Variants in SYNE2 observed in about 807,000 individuals in gnomAD.
SYNE2 encodes the protein nesprin-2.
In SYNE2, 431 loss-of-function variants were observed where a neutral mutation model predicts 856.3. The observed-to-expected ratio is 0.50, with a 90% CI of 0.47 to 0.55. The LOEUF (loss-of-function observed/expected upper bound fraction) is 0.55, where lower values mean the gene tolerates loss of function less well. Among genes scored for constraint, SYNE2 ranks in the 20% least tolerant of loss-of-function variants. The probability of loss-of-function intolerance (pLI) is 0.00; values close to 1 mark genes in which losing one functional copy is unlikely to be tolerated. For synonymous variants in SYNE2, 2,923 were observed against 2,872.3 expected, an observed-to-expected ratio of 1.02 and a Z score of -0.56; for missense variants, 8,129 against 8,023.2, an observed-to-expected ratio of 1.01 and a Z score of -0.50.
At chr14:64,000,843 G>C in intron 28 of SYNE2, 124 bp downstream of exon 28, 1 of 853,132 alleles carries the variant, frequency 1.2e-6, no homozygotes, top group East Asian at 2.6e-5. Flanking sequence ...ACAACAGTAA[G>C]AGAGGCTACC....
In SYNE2 at chr14:64,130,600, C is replaced by T. The variant is rs115553783; in HGVS notation, c.14340+352C>T. On this transcript the variant is annotated intron_variant, in intron 76 of 115. Coordinates refer to ENST00000555002, the MANE Select transcript of SYNE2 (RefSeq NM_182914.3). The stretch of plus-strand genomic sequence containing the variant: ...ACTTAGGAAAGTTAGAAAAGGCTTT[C>T]CTGGCCATGCGCAGTGGCTTATGCT... Among the ~76,000 whole-genome samples the T allele has an allele frequency of 4.7e-3, 721 of 152,304 alleles. 4 individuals are homozygous for T. The highest frequency in any genetic ancestry group is 0.016 in the African/African-American group (668 of 41,584).
At chr14:63,939,594 G>A (rs561612421) in intron 2 of SYNE2, among the ~76,000 whole-genome samples, 2 of 151,894 alleles carry the variant, frequency 1.3e-5, no homozygotes, top group East Asian at 3.9e-4. Flanking sequence ...GTGATCCACC[G>A]GCCTCAGCCT....
At chr14:64,202,780 T>G in intron 99 of SYNE2, 21 bp from the exon 100 acceptor site, 1 of 1,614,038 alleles carries the variant, frequency 6.2e-7, no homozygotes, top group Non-Finnish European at 8.5e-7. Context: ...TTTCGTTTTG[T>G]TTTTCTGCAA....
intron 1 of SYNE2, among the ~76,000 whole-genome samples, chr14:63,900,292 G>T (rs1320641797): frequency 6.6e-6 from 1 of 152,122 alleles, no homozygotes; most frequent in Non-Finnish European, 1.5e-5. Flanking sequence ...TTGTTTTCAC[G>T]CTGCTGATAA....
chr14:64,130,370 A>G, intron 76 of SYNE2, 122 bp downstream of exon 76: 1 of 915,848 alleles, frequency 1.1e-6, no homozygotes, highest in Non-Finnish European at 1.7e-6. Context: ...CATTCTTTTA[A>G]TAAACATCTA....
intron 99 of SYNE2, among the ~76,000 whole-genome samples, chr14:64,191,358 A>G (rs1268226617): frequency 6.6e-6 from 1 of 152,106 alleles, no homozygotes; most frequent in Non-Finnish European, 1.5e-5. Flanking sequence ...GTATCTGAGC[A>G]TCTGTAAAAC....
chr14:63,964,077 T>G, intron 10 of SYNE2, 77 bp downstream of exon 10: 1 of 921,504 alleles, frequency 1.1e-6, no homozygotes, highest in Non-Finnish European at 1.7e-6. Flanking sequence ...GAAAACTCTT[T>G]CAGGCTTAAG....
intron 65 of SYNE2, among the ~76,000 whole-genome samples, chr14:64,110,312 G>A (rs1368120956): frequency 6.6e-6 from 1 of 152,180 alleles, no homozygotes; most frequent in East Asian, 1.9e-4. Flanking sequence ...TTAGATCAGT[G>A]TTGTGTTGAT....
chr14:64,014,403 A>C (rs75690422), intron 32 of SYNE2, among the ~76,000 whole-genome samples: 1 of 152,086 alleles, frequency 6.6e-6, no homozygotes, highest in Admixed American at 6.6e-5. Context: ...TTGCTGGGTC[A>C]TATGTTAATT....
At chr14:63,784,899 GTGTT>G (rs1203903480) in intron 1 of SYNE2, among the ~76,000 whole-genome samples, 1 of 152,070 alleles carries the variant, frequency 6.6e-6, no homozygotes, top group Non-Finnish European at 1.5e-5. Flanking sequence ...GCACACATAT[GTGTT>G]TGTTTATGTG....
chr14:63,806,775 G>A (rs1340721097), intron 1 of SYNE2, among the ~76,000 whole-genome samples: 1 of 151,100 alleles, frequency 6.6e-6, no homozygotes, highest in Admixed American at 6.6e-5. Context: ...AAATGTTAAT[G>A]TCTCCGTTGT....
In SYNE2 at chr14:64,091,095, C is replaced by A. The variant is rs765245384; in HGVS notation, c.11976+47C>A. ...CCAACTTACTGGATGAAAATGTTCA[C>A]CAAAAGCTGGTTTGGTTTTCACTTC... On this transcript the variant is annotated intron_variant, in intron 60 of 115. Coordinates refer to ENST00000555002, the MANE Select transcript of SYNE2 (RefSeq NM_182914.3). 4.4e-6 allele frequency: 7 copies of A among 1,582,534 alleles called. No individual in the cohort carries two copies. In the Admixed American group the frequency reaches 1.2e-4, roughly 27 times the overall value.
chr14:63,935,931 G>A (rs1051654867), intron 2 of SYNE2, among the ~76,000 whole-genome samples: 3 of 152,196 alleles, frequency 2.0e-5, no homozygotes, highest in African/African-American at 7.2e-5. Context: ...CTGGAGTGCA[G>A]TGGCACAATC....
chr14:63,845,889 C>T (rs1890211757), intron 1 of SYNE2, among the ~76,000 whole-genome samples: 1 of 151,584 alleles, frequency 6.6e-6, no homozygotes, highest in Non-Finnish European at 1.5e-5. Flanking sequence ...TACAGGCATG[C>T]ACCACCATGC....
Position 64,068,175 on chromosome 14 carries a change from T to C in SYNE2, c.10432-2470T>C, listed in dbSNP as rs565487476. On this transcript the variant is annotated intron_variant, in intron 51 of 115. Transcript: ENST00000555002. Reference sequence around the variant, plus strand: ...CTAGGGCTGTCTTCACACTTTTTAGTGTAAAATATGTTGTTCTGACAAGTG... The same window carrying C: ...CTAGGGCTGTCTTCACACTTTTTAGCGTAAAATATGTTGTTCTGACAAGTG... Among the ~76,000 whole-genome samples the C allele has an allele frequency of 6.3e-4, 96 of 152,298 alleles. 2 individuals carry two copies. Among genetic ancestry groups the C allele is most frequent in the Non-Finnish European group, 1.2e-4 (8 of 68,026 alleles).
chr14:63,887,749 CTTTT>C (rs11450102), intron 1 of SYNE2, among the ~76,000 whole-genome samples: 2 of 108,280 alleles, frequency 1.8e-5, no homozygotes, highest in Non-Finnish European at 3.6e-5. Context: ...GTGAGTCCTG[CTTTT>C]TTTTTTTTTT....
chr14:64,221,658 C>T lies in SYNE2; in HGVS notation c.20144C>T (p.Pro6715Leu), dbSNP rs572055919. 72 of 1,614,100 alleles carry T rather than the reference C, an allele frequency of 4.5e-5. No individual in the cohort carries two copies. The highest frequency in any genetic ancestry group is 1.1e-4 in the African/African-American group (8 of 75,010). Residue 6715 changes from proline (P) to leucine (L), a missense_variant, in exon 112 of 116, where the codon CCA becomes CTA. By Grantham distance (98) the Pro-to-Leu change is moderately conservative. This residue lies in a region of SYNE2 where 5,410 missense variants were observed against 5,284.8 expected (regional missense o/e 1.02). Transcript: ENST00000555002. ...AGGCAGAAGGCTCATGTCACCGATC[C>T]AAAGGCAGACCCCCGGGCTCTCCTA... ...NRRQKAHVTDPKADPRALLEC... is the reference protein window; with the variant it reads ...NRRQKAHVTDLKADPRALLEC...
rs151044620 is a variant in SYNE2, at chr14:64,170,385, A to G, written c.17158A>G (p.Ser5720Gly). 59 of 1,614,140 alleles carry G rather than the reference A, an allele frequency of 3.7e-5. No homozygotes were observed. The African/African-American group carries it at 7.3e-4, about 20-fold the overall frequency. ...CTTGTTTCGCTTCCTCACTGACACCAGCCACCTGCTATCTGCAGTGAAGGG... is the reference window on the plus strand; with the variant it reads ...CTTGTTTCGCTTCCTCACTGACACCGGCCACCTGCTATCTGCAGTGAAGGG... Reference protein sequence around the residue: ...ENLFRFLTDTSHLLSAVKGQE... With the variant: ...ENLFRFLTDTGHLLSAVKGQE... Residue 5720 changes from serine to glycine, a missense_variant, in exon 94 of 116, where the codon AGC becomes GGC. Physicochemically the swap from Ser to Gly is moderately conservative, Grantham distance 56. Around this residue, in one of 3 missense-constraint regions of SYNE2, gnomAD observed 5,410 missense variants for 5,284.8 expected, o/e 1.02. Coordinates refer to ENST00000555002, the MANE Select transcript of SYNE2 (RefSeq NM_182914.3).
chr14:63,857,344 C>T (rs1892085454), intron 1 of SYNE2, among the ~76,000 whole-genome samples: 1 of 152,140 alleles, frequency 6.6e-6, no homozygotes, highest in South Asian at 2.1e-4. Flanking sequence ...CTCCATTGTA[C>T]TGATAGACGC....
Sources: gnomAD v4.1 joint callset for allele counts (sites outside exome capture counted in the v4.1 genomes callset) on GRCh38, gnomAD v4.1.1 for gene constraint, gnomAD v4.1.1 regional missense constraint, MANE v1.5 for transcripts, NCBI Gene and HGNC (gene_info 2026-07-23, HGNC 2026-07-21) for gene names.